Variants in CHD9 observed in about 807,000 individuals in gnomAD.
CHD9 encodes the protein chromodomain helicase DNA binding protein 9.
In CHD9, 77 loss-of-function variants were observed where a neutral mutation model predicts 316.1. The observed-to-expected ratio is 0.24, with a 90% CI of 0.20 to 0.29. CHD9 has a LOEUF of 0.29. CHD9 is among the 10% of genes least tolerant of loss of function. The pLI is 1.00. For synonymous variants in CHD9, 1,129 were observed against 1,158.3 expected (o/e 0.97, Z 0.51); for missense variants, 2,763 against 3,438.1 (o/e 0.80, Z 4.91).
chr16:53,209,915 T>A (rs868640416), intron 3 of CHD9, 102 bp downstream of exon 3: 2 of 833,436 alleles, frequency 2.4e-6, no homozygotes, highest in Non-Finnish European at 3.7e-6. Flanking sequence ...CTCCCATATT[T>A]GAGTTTTAAA....
chr16:53,281,714 G>A (rs910882735), intron 24 of CHD9, among the ~76,000 whole-genome samples: 7 of 152,008 alleles, frequency 4.6e-5, no homozygotes, highest in Admixed American at 3.3e-4. Flanking sequence ...AGTGGTGGTT[G>A]TGTTTTGCCA....
intron 26 of CHD9, among the ~76,000 whole-genome samples, chr16:53,287,250 T>A (rs1206223037): frequency 6.6e-6 from 1 of 152,164 alleles, no homozygotes; most frequent in Non-Finnish European, 1.5e-5. Flanking sequence ...AGATTATAGG[T>A]GTGAGCCATC....
chr16:53,153,108 T>G (rs2041247557), intron 1 of CHD9, among the ~76,000 whole-genome samples: 1 of 152,200 alleles, frequency 6.6e-6, no homozygotes, highest in African/African-American at 2.4e-5. Context: ...TATTTCGTTA[T>G]GTGAAGGTCC....
At position 53,064,966 on chromosome 16, in the gene CHD9, CAAGA is replaced by C. The variant is rs375948196; in HGVS notation, c.-165+9902_-165+9905del. The stretch of plus-strand genomic sequence containing the variant: ...CCTGGGCGACAGAGCAAGACTCTGT[CAAGA>C]AAGAAAGAAAGAGAGAGAGAGAGAG... On this transcript the variant is annotated intron_variant, in intron 1 of 38. Transcript: ENST00000447540. Among the ~76,000 whole-genome samples, 342 of 151,360 alleles carry C rather than the reference CAAGA, an allele frequency of 2.3e-3. 2 individuals are homozygous for C. Among genetic ancestry groups the C allele is most frequent in the African/African-American group, 7.9e-3 (324 of 41,096 alleles).
intron 1 of CHD9, among the ~76,000 whole-genome samples, chr16:53,119,547 A>G (rs1009233831): frequency 6.6e-6 from 1 of 152,074 alleles, no homozygotes; most frequent in Non-Finnish European, 1.5e-5. Flanking sequence ...AGGAAAAACA[A>G]GTCATCTGGG....
At chr16:53,220,517 G>A (rs2047152638) in intron 3 of CHD9, among the ~76,000 whole-genome samples, 2 of 151,958 alleles carry the variant, frequency 1.3e-5, no homozygotes, top group African/African-American at 4.8e-5. Context: ...CCTTATCATC[G>A]GTTTCCCTTC....
chr16:53,155,518 C>T (rs2041457137), intron 1 of CHD9, among the ~76,000 whole-genome samples: 1 of 151,894 alleles, frequency 6.6e-6, no homozygotes, highest in Non-Finnish European at 1.5e-5. Flanking sequence ...AATTTTTATT[C>T]TTAAAGTAGC....
chr16:53,107,184 C>T (rs1268045909), intron 1 of CHD9, among the ~76,000 whole-genome samples: 1 of 151,838 alleles, frequency 6.6e-6, no homozygotes. Flanking sequence ...CTTGTAATCC[C>T]AGCATTTTGG....
intron 2 of CHD9, among the ~76,000 whole-genome samples, chr16:53,167,816 G>A (rs1023943046): frequency 5.3e-5 from 8 of 150,512 alleles, no homozygotes; most frequent in Non-Finnish European, 7.4e-5. Context: ...ACAAATTATC[G>A]CAAAACTCTT....
At chr16:53,244,949 A>C (rs2049447621) in intron 13 of CHD9, among the ~76,000 whole-genome samples, 1 of 151,920 alleles carries the variant, frequency 6.6e-6, no homozygotes, top group South Asian at 2.1e-4. Flanking sequence ...TCATCTCTAC[A>C]AAAAAATATT....
At chr16:53,170,231 A>AT (rs930246335) in intron 2 of CHD9, among the ~76,000 whole-genome samples, 11 of 152,098 alleles carry the variant, frequency 7.2e-5, no homozygotes, top group Non-Finnish European at 1.0e-4. Flanking sequence ...AGATTCATGG[A>AT]TTTTTTAAAA....
At chr16:53,128,013 C>T (rs1014400392) in intron 1 of CHD9, among the ~76,000 whole-genome samples, 2 of 150,076 alleles carry the variant, frequency 1.3e-5, no homozygotes, top group African/African-American at 4.9e-5. Flanking sequence ...AAATATAAAC[C>T]TTTAACACAT....
chr16:53,287,818 G>T, intron 26 of CHD9, 139 bp from the exon 27 acceptor site: 1 of 666,362 alleles, frequency 1.5e-6, no homozygotes, highest in East Asian at 2.7e-5. Flanking sequence ...TTCCTGCTGT[G>T]TCTTGGGCTC....
At position 53,292,814 on chromosome 16, in the gene CHD9, ATTAC is replaced by A. The variant is rs2054458919; in HGVS notation, c.5291-15_5291-12del. 6 of 1,578,886 alleles carry A rather than the reference ATTAC, an allele frequency of 3.8e-6. No homozygotes were observed. Among genetic ancestry groups the A allele is most frequent in the Non-Finnish European group, 3.5e-6 (4 of 1,148,062 alleles). On this transcript the variant is annotated splice_polypyrimidine_tract_variant and intron_variant, in intron 28 of 38. Coordinates refer to ENST00000447540, the MANE Select transcript of CHD9 (RefSeq NM_001308319.2). ...CAGTATCTGTTTAGTTATTATTACT[ATTAC>A]TTATTTAACTATAGATGGTCAACTG...
Position 53,242,842 on chromosome 16 carries a change from G to A in CHD9, c.2880G>A (p.Gly960=). 2 of 1,610,928 alleles carry A rather than the reference G, an allele frequency of 1.2e-6. No homozygotes were observed. Among genetic ancestry groups the A allele is most frequent in the East Asian group, 2.2e-5 (1 of 44,784 alleles). The change falls in exon 13 of 39, where the codon GGG becomes GGA. Residue 960 remains glycine, a splice_region_variant and synonymous_variant. Transcript: ENST00000447540. ...TAATTATATTTGATCATTTCTAGGG[G>A]CGTATCATTCGAGGAGCTTACAGAT... ...QYEMYFRDSQ[G]RIIRGAYRFQ...
chr16:53,199,182 A>C (rs1415516670), intron 2 of CHD9, among the ~76,000 whole-genome samples: 2 of 152,120 alleles, frequency 1.3e-5, no homozygotes, highest in African/African-American at 4.8e-5. Flanking sequence ...AAACCCACTG[A>C]AAACTGTTAC....
At chr16:53,319,900 C>T in intron 37 of CHD9, 1 of 1,027,106 alleles carries the variant, frequency 9.7e-7, no homozygotes, top group Non-Finnish European at 1.3e-6. Flanking sequence ...TCAATAGAAG[C>T]TTAATGAAGG....
At chr16:53,281,786 A>C (rs1169721054) in intron 24 of CHD9, among the ~76,000 whole-genome samples, 1 of 152,002 alleles carries the variant, frequency 6.6e-6, no homozygotes, top group Non-Finnish European at 1.5e-5. Context: ...CAGGACTTCC[A>C]CAGAACCGCC....
chr16:53,089,395 C>G (rs1020307859), intron 1 of CHD9, among the ~76,000 whole-genome samples: 6 of 152,224 alleles, frequency 3.9e-5, no homozygotes, highest in African/African-American at 1.4e-4. Context: ...TATTGAAGAT[C>G]ATAAAACAAT....
Sources: allele counts gnomAD v4.1 joint callset (sites outside exome capture counted in the v4.1 genomes callset), GRCh38; gene constraint gnomAD v4.1.1; transcripts MANE v1.5; gene names NCBI Gene and HGNC (gene_info 2026-07-23, HGNC 2026-07-21).